The following OOSP2 variants were observed in gnomAD, a reference collection of about 807,000 sequenced individuals.
OOSP2 encodes oocyte-secreted protein 2.
OOSP2 carries 7 observed loss-of-function variants against 13.4 expected under a neutral mutation model. That is an observed-to-expected ratio of 0.52 (90% confidence interval 0.30 to 0.98). The LOEUF (loss-of-function observed/expected upper bound fraction) is 0.98, where lower values mean the gene tolerates loss of function less well. Ranked by LOEUF, OOSP2 falls within the 50% of genes least tolerant of loss-of-function variation. OOSP2 has a pLI of 0.07. For missense variants in OOSP2, 184 were observed against 188.5 expected (o/e 0.98, Z 0.14); for synonymous variants, 75 against 67.2 (o/e 1.12, Z -0.57).
In OOSP2 at chr11:60,043,534, C is replaced by A. The variant is rs765212768; in HGVS notation, c.130C>A (p.Leu44Met). ...SVIPVAESRN[L>M]YIFADELHLG... is the part of the protein sequence containing the mutation. ...TATCCCAGTTGCAGAAAGCAGAAAT[C>A]TGTATATATTTGCGGATGAATTACA... Residue 44 changes from leucine (L) to methionine (M), a missense_variant, in exon 2 of 4, where the codon CTG (leucine) becomes ATG (methionine). By Grantham distance (15) the Leu-to-Met change is conservative. Coordinates refer to ENST00000278855, the MANE Select transcript of OOSP2 (RefSeq NM_173801.5). The A allele has an allele frequency of 6.2e-7, 1 of 1,612,620 alleles. No individual in the cohort carries two copies.
At position 60,045,036 on chromosome 11, in the gene OOSP2, TATA is replaced by T. The variant is rs567757347; in HGVS notation, c.347+267_347+269del. On this transcript the variant is annotated intron_variant, in intron 3 of 3. Transcript: ENST00000278855. ...ACAATCTAGTGTAACTATGTTATTTTATAATAACTCAACTACAAAGCAGAGTCA... is the reference window on the plus strand; with the variant it reads ...ACAATCTAGTGTAACTATGTTATTTTATAACTCAACTACAAAGCAGAGTCA... 9.8e-4 allele frequency among the ~76,000 whole-genome samples: 149 copies of T among 152,332 alleles called. 1 individual carries two copies. The highest frequency in any genetic ancestry group is 3.2e-3 in the African/African-American group (135 of 41,584).
chr11:60,043,030 G>GT, intron 1 of OOSP2, among the ~76,000 whole-genome samples: 1 of 151,710 alleles, frequency 6.6e-6, no homozygotes, highest in East Asian at 1.9e-4. Flanking sequence ...TCAGCCTCCC[G>GT]AGTAGCTGGG....
chr11:60,042,548 A>G (rs1854949577), intron 1 of OOSP2, among the ~76,000 whole-genome samples: 1 of 152,196 alleles, frequency 6.6e-6, no homozygotes, highest in Non-Finnish European at 1.5e-5. Flanking sequence ...CTCCAAATGA[A>G]TCTATTGCAA....
At chr11:60,041,852 A>AAAAAG (rs1854933587) in intron 1 of OOSP2, among the ~76,000 whole-genome samples, 1 of 142,114 alleles carries the variant, frequency 7.0e-6, no homozygotes. Context: ...CTCTGTCTCA[A>AAAAAG]AAAAAAAAAA....
intron 1 of OOSP2, among the ~76,000 whole-genome samples, chr11:60,040,805 C>A (rs1565053760): frequency 6.6e-6 from 1 of 152,188 alleles, no homozygotes; most frequent in Non-Finnish European, 1.5e-5. Flanking sequence ...TAGTCCTTGG[C>A]TCTCTTTCAG....
chr11:60,041,221 C>G (rs1489641018), intron 1 of OOSP2, among the ~76,000 whole-genome samples: 1 of 152,100 alleles, frequency 6.6e-6, no homozygotes, highest in Non-Finnish European at 1.5e-5. Flanking sequence ...TTCTTTGAAA[C>G]TGATACGTCA....
intron 1 of OOSP2, among the ~76,000 whole-genome samples, chr11:60,042,140 C>G (rs1476380166): frequency 1.3e-5 from 2 of 152,118 alleles, no homozygotes; most frequent in East Asian, 3.9e-4. Context: ...ACAAAAAAAC[C>G]CCCCCAAAAC....
chr11:60,043,881 G>C (rs1854973266), intron 2 of OOSP2: 1 of 353,684 alleles, frequency 2.8e-6, no homozygotes, highest in African/African-American at 2.0e-5. Flanking sequence ...GTTGCCCTTA[G>C]GCTACTATTA....
intron 1 of OOSP2, among the ~76,000 whole-genome samples, chr11:60,041,850 C>CAAAAAAAACAAAAAAAAA: frequency 2.7e-5 from 1 of 36,438 alleles, no homozygotes; most frequent in Admixed American, 4.1e-4. Flanking sequence ...GACTCTGTCT[C>CAAAAAAAACAAAAAAAAA]AAAAAAAAAA....
At chr11:60,042,137 A>C (rs1314450554) in intron 1 of OOSP2, among the ~76,000 whole-genome samples, 2 of 152,180 alleles carry the variant, frequency 1.3e-5, no homozygotes, top group Non-Finnish European at 2.9e-5. Context: ...CAAACAAAAA[A>C]ACCCCCCCAA....
chr11:60,045,610 T>TGTACATTC (rs1854997724), intron 3 of OOSP2, among the ~76,000 whole-genome samples: 1 of 151,992 alleles, frequency 6.6e-6, no homozygotes. Flanking sequence ...TACATAATCT[T>TGTACATTC]GTACATTTGT....
At position 60,044,690 on chromosome 11, in the gene OOSP2, T is replaced by A. The variant is rs1565055072; in HGVS notation, c.263T>A (p.Leu88His). ...IRTRVVSEET[L>H]LFQTELYFTP... Reference sequence around the variant, plus strand: ...TCCTAGGTAGTTTCTGAGGAAACTCTCCTTTTTCAAACCGAGCTGTACTTT... The same window carrying A: ...TCCTAGGTAGTTTCTGAGGAAACTCACCTTTTTCAAACCGAGCTGTACTTT... The change falls in exon 3 of 4, where the codon CTC (leucine) becomes CAC (histidine). Residue 88 changes from leucine (L) to histidine (H), a missense_variant. By Grantham distance (99) the Leu-to-His change is moderately conservative. Transcript: ENST00000278855. 6.3e-7 allele frequency: 1 copy of A among 1,582,002 alleles called. No homozygotes were observed. The highest frequency in any genetic ancestry group is 2.2e-5 in the East Asian group (1 of 44,622).
intron 3 of OOSP2, among the ~76,000 whole-genome samples, chr11:60,045,142 T>C (rs1170566260): frequency 2.4e-5 from 2 of 82,640 alleles, no homozygotes; most frequent in African/African-American, 3.5e-5. Context: ...TTTTATAATA[T>C]TCTGATACAT....
intron 1 of OOSP2, among the ~76,000 whole-genome samples, chr11:60,042,779 A>G (rs1854952695): frequency 6.6e-6 from 1 of 152,042 alleles, no homozygotes; most frequent in South Asian, 2.1e-4. Flanking sequence ...TACTGGGATG[A>G]TATCGCTTTT....
Position 60,040,489 on chromosome 11 carries a change from T to C in OOSP2, c.30T>C (p.Ala10=). 1 of 1,604,450 alleles carries C rather than the reference T, an allele frequency of 6.2e-7. No individual in the cohort carries two copies. The highest frequency in any genetic ancestry group is 8.5e-7 in the Non-Finnish European group (1 of 1,171,098). Residue 10 remains alanine, a synonymous_variant, in exon 1 of 4, where the codon GCT becomes GCC. Transcript: ENST00000278855. Reference sequence around the variant, plus strand: ...CGTTAGAAGTCTTGATGCTCCTCGCTGTCTTGATTTGGACCGGTGCTGAGA... The same window carrying C: ...CGTTAGAAGTCTTGATGCTCCTCGCCGTCTTGATTTGGACCGGTGCTGAGA... MALEVLMLL[A]VLIWTGAENL... is the part of the protein sequence containing the mutation.
At chr11:60,043,668 T>TA (rs748095491) in intron 2 of OOSP2, 21 bp downstream of exon 2, 65 of 1,368,988 alleles carry the variant, frequency 4.7e-5, no homozygotes, top group East Asian at 2.3e-4. Context: ...TGATTGTTTG[T>TA]AAAAAATACT....
intron 3 of OOSP2, 189 bp from the exon 4 acceptor site, chr11:60,046,755 T>G: frequency 1.4e-6 from 1 of 709,174 alleles, no homozygotes; most frequent in Non-Finnish European, 2.6e-6. Context: ...TGGAATTAGT[T>G]CTTCTGTAAG....
At chr11:60,045,035 T>G (rs1854990981) in intron 3 of OOSP2, among the ~76,000 whole-genome samples, 1 of 152,196 alleles carries the variant, frequency 6.6e-6, no homozygotes, top group Admixed American at 6.5e-5. Flanking sequence ...CTATGTTATT[T>G]TATAATAACT....
At position 60,047,174 on chromosome 11, in the gene OOSP2, T is replaced by A; in HGVS notation, c.*101T>A. The A allele has an allele frequency of 1.0e-6, 1 of 962,330 alleles. No individual in the cohort carries two copies. The highest frequency in any genetic ancestry group is 1.6e-6 in the Non-Finnish European group (1 of 641,826). The allele number at this position is 962,330 out of a possible 1,614,324, so 59.6% of individuals were successfully genotyped here. A position where few individuals can be genotyped will look rare whatever the true frequency, so the allele number is the denominator to read the frequency against. On this transcript the variant is annotated 3_prime_UTR_variant, in exon 4 of 4. Coordinates refer to ENST00000278855, the MANE Select transcript of OOSP2 (RefSeq NM_173801.5). ...AATATAGTTGGTGTATATCTCTCCT[T>A]AAGTCTCTGGTTTCTAAAAACCCTA... is the stretch of plus-strand genomic sequence containing the variant.
Sources: allele counts gnomAD v4.1 joint callset (sites outside exome capture counted in the v4.1 genomes callset), GRCh38; gene constraint gnomAD v4.1.1; transcripts MANE v1.5; gene names NCBI Gene and HGNC (gene_info 2026-07-23, HGNC 2026-07-21).